ERC2: variants seen among roughly 807,000 people sequenced by gnomAD.
ERC2 encodes ELKS/RAB6-interacting/CAST family member 2.
ERC2 carries 42 observed loss-of-function variants against 114.8 expected under a neutral mutation model. That is an observed-to-expected ratio of 0.37 (90% CI 0.29 to 0.47). The LOEUF (loss-of-function observed/expected upper bound fraction) is 0.47. Among genes scored for constraint, ERC2 ranks in the 20% least tolerant of loss-of-function variants. The probability of loss-of-function intolerance (pLI) is 0.99; values close to 1 mark genes in which losing one functional copy is unlikely to be tolerated. For synonymous variants in ERC2, 454 were observed against 425.5 expected (o/e 1.07, Z -0.82); for missense variants, 939 against 1,150.7 (o/e 0.82, Z 2.66).
intron 17 of ERC2, among the ~76,000 whole-genome samples, chr3:55,531,417 G>A (rs2053659069): frequency 6.6e-6 from 1 of 152,094 alleles, no homozygotes; most frequent in South Asian, 2.1e-4. Flanking sequence ...CCCATGACAA[G>A]CCACCCCTCC....
chr3:56,258,189 T>C (rs1233186826), intron 3 of ERC2, among the ~76,000 whole-genome samples: 1 of 152,174 alleles, frequency 6.6e-6, no homozygotes, highest in African/African-American at 2.4e-5. Flanking sequence ...TAAAACTCAC[T>C]GACCAAGATG....
chr3:56,328,582 G>C (rs2057469027), intron 2 of ERC2, among the ~76,000 whole-genome samples: 1 of 152,220 alleles, frequency 6.6e-6, no homozygotes, highest in Non-Finnish European at 1.5e-5. Context: ...ATAGAAGAGA[G>C]AAGTGGTGAA....
intron 4 of ERC2, among the ~76,000 whole-genome samples, chr3:56,159,635 GT>G (rs2081946708): frequency 6.6e-6 from 1 of 152,152 alleles, no homozygotes; most frequent in African/African-American, 2.4e-5. Context: ...GTACTCAATA[GT>G]TATTCAACCT....
At chr3:55,711,258 T>G (rs1289563387) in intron 15 of ERC2, among the ~76,000 whole-genome samples, 10 of 152,202 alleles carry the variant, frequency 6.6e-5, no homozygotes, top group Non-Finnish European at 1.5e-5. Flanking sequence ...TTAAATAACA[T>G]CTGTAAGTTT....
intron 14 of ERC2, among the ~76,000 whole-genome samples, 187 bp from the exon 15 acceptor site, chr3:55,735,105 C>G (rs767086662): frequency 3.6e-4 from 55 of 152,268 alleles, no homozygotes; most frequent in Non-Finnish European, 7.1e-4. Context: ...ATCCCTGAGA[C>G]TGCACACTGC....
intron 10 of ERC2, among the ~76,000 whole-genome samples, chr3:55,997,922 G>GTTTTTTTTTTTTTTTTTTT (rs1559997200): frequency 2.8e-5 from 1 of 36,106 alleles, no homozygotes; most frequent in Non-Finnish European, 5.2e-5. Flanking sequence ...GTGTGTGTGT[G>GTTTTTTTTTTTTTTTTTTT]TTTTTTGTTT....
intron 17 of ERC2, among the ~76,000 whole-genome samples, chr3:55,557,391 G>A (rs2055693187): frequency 1.3e-5 from 2 of 152,210 alleles, no homozygotes; most frequent in African/African-American, 4.8e-5. Context: ...TCCTCTCAGG[G>A]AACCTCAAAT....
intron 2 of ERC2, among the ~76,000 whole-genome samples, chr3:56,431,821 T>C (rs1256811491): frequency 2.0e-5 from 3 of 152,240 alleles, no homozygotes; most frequent in Non-Finnish European, 4.4e-5. Context: ...ATTTTACTTG[T>C]ATTAAATATA....
chr3:55,952,172 C>CTATATATAT (rs1559922574), intron 12 of ERC2, among the ~76,000 whole-genome samples: 2 of 58,910 alleles, frequency 3.4e-5, no homozygotes, highest in African/African-American at 1.1e-4. Context: ...CACACACACA[C>CTATATATAT]ACACACACTC....
chr3:55,616,188 T>G (rs1011017698), intron 17 of ERC2, among the ~76,000 whole-genome samples: 11 of 152,134 alleles, frequency 7.2e-5, no homozygotes, highest in Non-Finnish European at 1.5e-4. Context: ...ACATGAAAGG[T>G]CAGATTGAGA....
chr3:55,918,365 C>T (rs1195239648), intron 13 of ERC2, among the ~76,000 whole-genome samples: 2 of 151,944 alleles, frequency 1.3e-5, no homozygotes, highest in East Asian at 3.9e-4. Flanking sequence ...ACTCTTCCTC[C>T]GAATATCTTC....
At chr3:55,887,940 A>C (rs888374702) in intron 14 of ERC2, among the ~76,000 whole-genome samples, 15 of 152,272 alleles carry the variant, frequency 9.9e-5, no homozygotes, top group African/African-American at 3.6e-4. Flanking sequence ...ACTCTGTGAG[A>C]GTCAACACAA....
At chr3:55,669,937 T>C (rs895259948) in intron 17 of ERC2, among the ~76,000 whole-genome samples, 1 of 152,174 alleles carries the variant, frequency 6.6e-6, no homozygotes, top group African/African-American at 2.4e-5. Context: ...ATTACAGAGA[T>C]ATTGACGTGG....
intron 17 of ERC2, among the ~76,000 whole-genome samples, chr3:55,627,289 G>A (rs1004818175): frequency 3.3e-5 from 5 of 152,116 alleles, no homozygotes; most frequent in Admixed American, 6.6e-5. Flanking sequence ...CCAACATGGT[G>A]AAACCCCATC....
At chr3:55,673,455 C>T (rs1018004638) in intron 17 of ERC2, among the ~76,000 whole-genome samples, 4 of 152,090 alleles carry the variant, frequency 2.6e-5, no homozygotes, top group Admixed American at 6.5e-5. Context: ...TGGTGGCGCA[C>T]GCCTGTACTC....
chr3:56,411,331 T>A (rs2060934711), intron 2 of ERC2, among the ~76,000 whole-genome samples: 1 of 151,778 alleles, frequency 6.6e-6, no homozygotes. Flanking sequence ...TCCATCTGCT[T>A]GCCTGCCTCA....
intron 14 of ERC2, among the ~76,000 whole-genome samples, chr3:55,737,703 T>A (rs1436637984): frequency 6.6e-6 from 1 of 152,214 alleles, no homozygotes; most frequent in Non-Finnish European, 1.5e-5. Flanking sequence ...ACCTTAGTGA[T>A]GTGAAAATAT....
In ERC2 at chr3:56,229,862, C is replaced by CTTTTTT. The variant is rs34357962; in HGVS notation, c.1075-56348_1075-56343dup. Among the ~76,000 whole-genome samples the CTTTTTT allele has an allele frequency of 9.9e-4, 56 of 56,636 alleles. 7 individuals are homozygous for CTTTTTT. The highest frequency in any genetic ancestry group is 0.016 in the Middle Eastern group (1 of 62). The allele number at this position is 56,636 out of a possible 152,430, so 37.2% of individuals were successfully genotyped here. ...TTTTCTCCTTTGGCAAATATCTAGT[C>CTTTTTT]TTTTTTTTTTTTTTTTTTTTTTTTT... On this transcript the variant is annotated intron_variant, in intron 3 of 17. Transcript: ENST00000288221.
At chr3:55,967,315 C>A (rs1429252131) in intron 12 of ERC2, among the ~76,000 whole-genome samples, 1 of 152,058 alleles carries the variant, frequency 6.6e-6, no homozygotes, top group Non-Finnish European at 1.5e-5. Context: ...AAAACACCAA[C>A]ACTAATTAGA....
Sources: allele counts gnomAD v4.1 joint callset (sites outside exome capture counted in the v4.1 genomes callset), GRCh38; gene constraint gnomAD v4.1.1; transcripts MANE v1.5; gene names NCBI Gene and HGNC (gene_info 2026-07-23, HGNC 2026-07-21).